Variants in GABRG3 observed in about 807,000 individuals in gnomAD.
GABRG3 encodes gamma-aminobutyric acid type A receptor subunit gamma3.
A neutral mutation model predicts 48.8 loss-of-function variants in GABRG3; 25 were observed. That is an observed-to-expected ratio of 0.51 (90% confidence interval 0.37 to 0.72). The LOEUF (loss-of-function observed/expected upper bound fraction) is 0.72, where lower values mean the gene tolerates loss of function less well. Ranked by LOEUF, GABRG3 falls within the 30% of genes least tolerant of loss-of-function variation. The probability of loss-of-function intolerance (pLI) is 0.00; values close to 1 mark genes in which losing one functional copy is unlikely to be tolerated. For missense variants in GABRG3, 394 were observed against 577.9 expected, an observed-to-expected ratio of 0.68 and a Z score of 3.26; for synonymous variants, 227 against 217.6, an observed-to-expected ratio of 1.04 and a Z score of -0.38.
intron 3 of GABRG3, among the ~76,000 whole-genome samples, chr15:27,144,563 C>T (rs1898164051): frequency 6.6e-6 from 1 of 152,126 alleles, no homozygotes; most frequent in African/African-American, 2.4e-5. Context: ...AGAGAAAGCT[C>T]ACCAAAAAAT....
At chr15:27,439,873 G>C (rs112914935) in intron 5 of GABRG3, among the ~76,000 whole-genome samples, 1 of 152,160 alleles carries the variant, frequency 6.6e-6, no homozygotes, top group African/African-American at 2.4e-5. Flanking sequence ...AGTATAACCC[G>C]CAGGGCATAA....
At chr15:27,047,667 T>G (rs1009285428) in intron 3 of GABRG3, among the ~76,000 whole-genome samples, 1 of 152,206 alleles carries the variant, frequency 6.6e-6, no homozygotes, top group Non-Finnish European at 1.5e-5. Flanking sequence ...ATAAAACAGT[T>G]AATTTTCAGT....
chr15:27,307,688 T>TATATAAATATATAATCATAG (rs1176982511), intron 3 of GABRG3, among the ~76,000 whole-genome samples: 1 of 113,742 alleles, frequency 8.8e-6, no homozygotes, highest in Admixed American at 9.8e-5. Context: ...CATAGGTTTA[T>TATATAAATATATAATCATAG]GTTTATATAT....
At chr15:27,320,218 A>G (rs1185656798) in intron 3 of GABRG3, among the ~76,000 whole-genome samples, 1 of 152,180 alleles carries the variant, frequency 6.6e-6, no homozygotes, top group African/African-American at 2.4e-5. Flanking sequence ...GATGTTTTAT[A>G]CAAGGCTGCT....
At chr15:27,176,340 C>T (rs1887745740) in intron 3 of GABRG3, among the ~76,000 whole-genome samples, 1 of 152,200 alleles carries the variant, frequency 6.6e-6, no homozygotes, top group Non-Finnish European at 1.5e-5. Flanking sequence ...CACCAAAACG[C>T]TGAGTTCAAT....
chr15:27,192,547 A>G (rs938936126), intron 3 of GABRG3, among the ~76,000 whole-genome samples: 2 of 152,070 alleles, frequency 1.3e-5, no homozygotes, highest in African/African-American at 4.8e-5. Context: ...TTCTTCACGT[A>G]GTTCTTGAGC....
rs563406066 is a variant in GABRG3, at chr15:27,154,837, T to C, written c.270+128016T>C. Among the ~76,000 whole-genome samples the C allele has an allele frequency of 2.0e-5, 3 of 152,284 alleles. No individual in the cohort carries two copies. In the South Asian group the frequency reaches 6.2e-4, roughly 32 times the overall value. On this transcript the variant is annotated intron_variant, in intron 3 of 9. Transcript: ENST00000615808. ...TATTTTGATATCAGGATGATGGGGC[T>C]TCATAAAATTAATTAAATTTAGCAA...
At position 27,283,035 on chromosome 15, in the gene GABRG3, A is replaced by G. The variant is rs550777607; in HGVS notation, c.271-43774A>G. Among the ~76,000 whole-genome samples the G allele has an allele frequency of 3.9e-5, 6 of 152,152 alleles. No individual in the cohort carries two copies. The South Asian group carries it at 1.2e-3, about 32-fold the overall frequency. ...GATCTATCTTAAGTATATAGATGAC[A>G]CTCCACTGCAAGGGAGCAGGGTGCT... On this transcript the variant is annotated intron_variant, in intron 3 of 9. Transcript: ENST00000615808.
intron 3 of GABRG3, among the ~76,000 whole-genome samples, chr15:27,308,570 C>CATAT (rs552124139): frequency 2.7e-5 from 4 of 146,450 alleles, no homozygotes; most frequent in East Asian, 2.2e-4. Context: ...TTTATATAAA[C>CATAT]ATAATGTAAA....
At chr15:27,518,494 T>C (rs1891082914) in intron 6 of GABRG3, among the ~76,000 whole-genome samples, 1 of 152,202 alleles carries the variant, frequency 6.6e-6, no homozygotes, top group Non-Finnish European at 1.5e-5. Context: ...AGTTTATTGG[T>C]TTTAAGATAG....
intron 2 of GABRG3, among the ~76,000 whole-genome samples, chr15:27,014,732 G>A (rs1196645727): frequency 6.6e-6 from 1 of 152,142 alleles, no homozygotes; most frequent in South Asian, 2.1e-4. Context: ...TTGAGGAGAA[G>A]GTGTATTTTG....
At chr15:27,010,671 T>G (rs968624134) in intron 2 of GABRG3, among the ~76,000 whole-genome samples, 14 of 152,130 alleles carry the variant, frequency 9.2e-5, no homozygotes, top group Admixed American at 6.5e-4. Flanking sequence ...CTCATCTCTG[T>G]TGTTCTCTAT....
At position 26,974,981 on chromosome 15, in the gene GABRG3, C is replaced by T. The variant is rs918998398; in HGVS notation, c.54-2021C>T. Reference sequence around the variant, plus strand: ...CTCTGCCTCCTGGGTTCAAGCAATTCTCTTGCCTCAGCCTCCTGAATAGCC... The same window carrying T: ...CTCTGCCTCCTGGGTTCAAGCAATTTTCTTGCCTCAGCCTCCTGAATAGCC... On this transcript the variant is annotated intron_variant, in intron 1 of 9. Transcript: ENST00000615808. This position sits in a 1 kb window ranked among gnomAD's most constrained non-coding sequence, Gnocchi z 4.3. Among the ~76,000 whole-genome samples the T allele has an allele frequency of 6.6e-6, 1 of 151,556 alleles. No homozygotes were observed. The highest frequency in any genetic ancestry group is 2.4e-5 in the African/African-American group (1 of 41,298).
rs1413113729 is a variant in GABRG3 at position 27,192,247 on chromosome 15, A to G, written c.271-134562A>G. On this transcript the variant is annotated intron_variant, in intron 3 of 9. Transcript: ENST00000615808. ...GGAGTATCTTTGTGGCGTTCTCTGT[A>G]TTTCCTGAATCTGAACGTTGGCCTG... Among the ~76,000 whole-genome samples, 8 of 151,908 alleles carry G rather than the reference A, an allele frequency of 5.3e-5. No individual in the cohort carries two copies. The East Asian group carries it at 1.2e-3, about 22-fold the overall frequency.
At chr15:26,983,969 G>A (rs1228741222) in intron 2 of GABRG3, among the ~76,000 whole-genome samples, 3 of 151,706 alleles carry the variant, frequency 2.0e-5, no homozygotes, top group East Asian at 3.9e-4. Flanking sequence ...TTTTTCCCCC[G>A]TCTGTGCTGA....
intron 5 of GABRG3, among the ~76,000 whole-genome samples, chr15:27,474,643 G>A (rs1889881568): frequency 6.6e-6 from 1 of 152,128 alleles, no homozygotes; most frequent in Non-Finnish European, 1.5e-5. Flanking sequence ...AGTAGGAAGT[G>A]TTTTATAAAA....
At chr15:27,290,310 G>A (rs1891754429) in intron 3 of GABRG3, among the ~76,000 whole-genome samples, 1 of 151,908 alleles carries the variant, frequency 6.6e-6, no homozygotes, top group African/African-American at 2.4e-5. Flanking sequence ...ATTTATGTAG[G>A]TATTTCCTGC....
chr15:27,095,809 C>T (rs1897258983), intron 3 of GABRG3, among the ~76,000 whole-genome samples: 1 of 152,074 alleles, frequency 6.6e-6, no homozygotes, highest in Admixed American at 6.6e-5. Context: ...CCTGGCTCTG[C>T]CTCTTCTGAC....
chr15:27,163,744 C>A lies in GABRG3; in HGVS notation c.270+136923C>A, dbSNP rs1289473697. On this transcript the variant is annotated intron_variant, in intron 3 of 9. Coordinates refer to ENST00000615808, the MANE Select transcript of GABRG3 (RefSeq NM_033223.5). ...GCCTGAGTGATTTCAATTTTCCAAA[C>A]CTCTTGAGTGTCCCCAAAACTTTTG... is the stretch of plus-strand genomic sequence containing the variant. Among the ~76,000 whole-genome samples the A allele has an allele frequency of 2.0e-5, 3 of 152,300 alleles. No homozygotes were observed. In the South Asian group the frequency reaches 6.2e-4, roughly 32 times the overall value.
Sources: gnomAD v4.1 joint callset for allele counts (sites outside exome capture counted in the v4.1 genomes callset) on GRCh38, gnomAD v4.1.1 for gene constraint, Gnocchi (gnomAD v3.1) non-coding constraint, MANE v1.5 for transcripts, NCBI Gene and HGNC (gene_info 2026-07-23, HGNC 2026-07-21) for gene names.